MYRFL: variants seen among roughly 807,000 people sequenced by gnomAD.
MYRFL encodes the protein myelin regulatory factor like, also known as myelin regulatory factor-like protein.
In MYRFL, 88 loss-of-function variants were observed where a neutral mutation model predicts 109.4. The observed-to-expected ratio is 0.80, with a 90% CI of 0.68 to 0.96. The LOEUF (loss-of-function observed/expected upper bound fraction) is 0.96. Ranked by LOEUF, MYRFL falls within the 40% of genes least tolerant of loss-of-function variation. The probability of loss-of-function intolerance (pLI) is 0.00; values close to 1 mark genes in which losing one functional copy is unlikely to be tolerated. For missense variants in MYRFL, 957 were observed against 954.9 expected (o/e 1.00, Z -0.03); for synonymous variants, 324 against 320.9 (o/e 1.01, Z -0.10).
intron 6 of MYRFL, 50 bp downstream of exon 6, chr12:69,887,020 A>G (rs1886499772): frequency 6.6e-7 from 1 of 1,520,936 alleles, no homozygotes; most frequent in Non-Finnish European, 8.8e-7. Flanking sequence ...ACAGTGCTAA[A>G]TCTCAGTACT....
At chr12:69,930,561 G>T (rs1955238700) in intron 15 of MYRFL, among the ~76,000 whole-genome samples, 1 of 152,100 alleles carries the variant, frequency 6.6e-6, no homozygotes, top group Admixed American at 6.5e-5. Context: ...GCTCATGCTT[G>T]TAATCTTAAT....
At chr12:69,881,836 G>A (rs372996471) in intron 5 of MYRFL, among the ~76,000 whole-genome samples, 64 of 152,228 alleles carry the variant, frequency 4.2e-4, no homozygotes, top group African/African-American at 1.5e-3. Flanking sequence ...ACCTTCCTAT[G>A]CAATGCTACC....
intron 1 of MYRFL, among the ~76,000 whole-genome samples, chr12:69,843,948 G>A (rs540881115): frequency 1.6e-4 from 24 of 152,316 alleles, no homozygotes; most frequent in African/African-American, 5.5e-4. Flanking sequence ...TCCCTGATGG[G>A]GGATAGGATG....
intron 1 of MYRFL, among the ~76,000 whole-genome samples, chr12:69,849,095 C>T (rs571103726): frequency 1.3e-5 from 2 of 151,796 alleles, no homozygotes; most frequent in Admixed American, 1.3e-4. Flanking sequence ...TGGTTTCAAA[C>T]TCCTGGGCTT....
At chr12:69,884,710 C>A (rs1164997652) in intron 5 of MYRFL, among the ~76,000 whole-genome samples, 1 of 152,230 alleles carries the variant, frequency 6.6e-6, no homozygotes, top group African/African-American at 2.4e-5. Context: ...TTAGGAAATA[C>A]TGAGCCACCT....
intron 19 of MYRFL, among the ~76,000 whole-genome samples, chr12:69,948,742 A>G (rs1955899299): frequency 6.6e-6 from 1 of 152,212 alleles, no homozygotes; most frequent in Admixed American, 6.5e-5. Context: ...GAAACTCCTC[A>G]TATATCAGGA....
chr12:69,929,584 G>A (rs748071599), intron 15 of MYRFL, among the ~76,000 whole-genome samples: 2 of 152,170 alleles, frequency 1.3e-5, no homozygotes, highest in Non-Finnish European at 2.9e-5. Context: ...GGAAGATAGT[G>A]GAAGATGAAG....
intron 1 of MYRFL, among the ~76,000 whole-genome samples, chr12:69,830,788 G>C (rs1300986650): frequency 6.6e-6 from 1 of 152,080 alleles, no homozygotes; most frequent in Non-Finnish European, 1.5e-5. Flanking sequence ...GCTGACCTTT[G>C]TCACCTGCCC....
intron 1 of MYRFL, among the ~76,000 whole-genome samples, chr12:69,826,930 G>A (rs1352673168): frequency 6.6e-6 from 1 of 152,024 alleles, no homozygotes. Flanking sequence ...GGCTTTGGAT[G>A]CCTTCTCTTA....
At position 69,858,412 on chromosome 12, in the gene MYRFL, T is replaced by A. The variant is rs148825837; in HGVS notation, c.137+3042T>A. On this transcript the variant is annotated intron_variant, in intron 2 of 24. Transcript: ENST00000552032. Reference sequence around the variant, plus strand: ...CACTTAAATTCTCTGGATGAGATAGTGTAGAATTGGATTTATTTCTTGCTT... The same window carrying A: ...CACTTAAATTCTCTGGATGAGATAGAGTAGAATTGGATTTATTTCTTGCTT... Among the ~76,000 whole-genome samples, 393 of 152,130 alleles carry A rather than the reference T, an allele frequency of 2.6e-3. 5 individuals are homozygous for A. Among genetic ancestry groups the A allele is most frequent in the African/African-American group, 8.7e-3 (363 of 41,566 alleles).
chr12:69,896,469 G>C (rs543621481), intron 9 of MYRFL, among the ~76,000 whole-genome samples: 24 of 152,308 alleles, frequency 1.6e-4, no homozygotes, highest in African/African-American at 5.1e-4. Context: ...GATGAGGATA[G>C]TTTTAATTTT....
At chr12:69,937,733 G>A (rs763242519) in intron 19 of MYRFL, among the ~76,000 whole-genome samples, 3 of 152,214 alleles carry the variant, frequency 2.0e-5, no homozygotes, top group African/African-American at 4.8e-5. Flanking sequence ...ATACTTATAA[G>A]TGGTGCTCAT....
At chr12:69,830,779 C>A (rs1214923631) in intron 1 of MYRFL, among the ~76,000 whole-genome samples, 1 of 152,076 alleles carries the variant, frequency 6.6e-6, no homozygotes, top group Non-Finnish European at 1.5e-5. Context: ...GAGATTAGAG[C>A]TGACCTTTGT....
intron 4 of MYRFL, 118 bp from the exon 5 acceptor site, chr12:69,880,083 C>T (rs1324281053): frequency 5.0e-6 from 3 of 601,206 alleles, no homozygotes; most frequent in Admixed American, 5.5e-5. Flanking sequence ...GCTCAAGGAA[C>T]CTTAACTAAT....
At chr12:69,878,518 A>G (rs962832547) in intron 2 of MYRFL, among the ~76,000 whole-genome samples, 1 of 152,164 alleles carries the variant, frequency 6.6e-6, no homozygotes, top group African/African-American at 2.4e-5. Context: ...ATGTATATAT[A>G]TTTGGGGGTA....
intron 11 of MYRFL, among the ~76,000 whole-genome samples, chr12:69,908,640 GCATAATTCCAT>G (rs1259677724): frequency 1.3e-5 from 2 of 152,138 alleles, no homozygotes; most frequent in Non-Finnish European, 2.9e-5. Context: ...GATTCTCTGT[GCATAATTCCAT>G]CATTGTACTA....
intron 19 of MYRFL, among the ~76,000 whole-genome samples, chr12:69,942,584 G>A (rs1309538325): frequency 3.4e-5 from 5 of 146,400 alleles, no homozygotes; most frequent in Middle Eastern, 6.9e-3. Context: ...ATATCATACT[G>A]AATGGGCAAA....
chr12:69,855,812 G>A (rs558327865), intron 2 of MYRFL, among the ~76,000 whole-genome samples: 5 of 151,754 alleles, frequency 3.3e-5, no homozygotes, highest in African/African-American at 1.2e-4. Context: ...AATCTGACAT[G>A]AAGTTTATCA....
intron 7 of MYRFL, among the ~76,000 whole-genome samples, chr12:69,892,208 G>A (rs1002511164): frequency 2.0e-5 from 3 of 152,088 alleles, no homozygotes; most frequent in Non-Finnish European, 2.9e-5. Flanking sequence ...TTTAGTCAAC[G>A]CCCTCCTGTA....
Sources: allele counts gnomAD v4.1 joint callset (sites outside exome capture counted in the v4.1 genomes callset), GRCh38; gene constraint gnomAD v4.1.1; transcripts MANE v1.5; gene names NCBI Gene and HGNC (gene_info 2026-07-23, HGNC 2026-07-21).